Variants in KCNH8 observed in about 807,000 individuals in gnomAD.
KCNH8 encodes the protein potassium voltage-gated channel subfamily H member 8, also known as voltage-gated delayed rectifier potassium channel KCNH8.
In KCNH8, 70 loss-of-function variants were observed where a neutral mutation model predicts 103.6. The observed-to-expected ratio is 0.68, with a 90% CI of 0.56 to 0.82. KCNH8 has a LOEUF of 0.82. Among genes scored for constraint, KCNH8 ranks in the 40% least tolerant of loss-of-function variants. The probability of loss-of-function intolerance (pLI) is 0.00; values close to 1 mark genes in which losing one functional copy is unlikely to be tolerated. For missense variants in KCNH8, 1,217 were observed against 1,329.9 expected, an observed-to-expected ratio of 0.92 and a Z score of 1.32; for synonymous variants, 498 against 489.4, an observed-to-expected ratio of 1.02 and a Z score of -0.23.
At chr3:19,376,573 C>G (rs1440446343) in intron 5 of KCNH8, among the ~76,000 whole-genome samples, 2 of 152,196 alleles carry the variant, frequency 1.3e-5, no homozygotes, top group African/African-American at 4.8e-5. Flanking sequence ...GTCGCTCACG[C>G]TGGGAGCTGT....
intron 6 of KCNH8, among the ~76,000 whole-genome samples, chr3:19,392,318 C>CAAAAAAA (rs10662694): frequency 4.0e-5 from 5 of 125,398 alleles, no homozygotes; most frequent in East Asian, 2.4e-4. Flanking sequence ...ACATCTGTGT[C>CAAAAAAA]AAAAAAAAAA....
intron 11 of KCNH8, among the ~76,000 whole-genome samples, chr3:19,495,895 T>A (rs2068430341): frequency 6.6e-6 from 1 of 152,156 alleles, no homozygotes; most frequent in South Asian, 2.1e-4. Context: ...TTTATAATTC[T>A]CATTGTAGAG....
At chr3:19,203,266 C>T (rs79758077) in intron 1 of KCNH8, among the ~76,000 whole-genome samples, 3,570 of 151,952 alleles carry the variant, frequency 0.023, 135 homozygotes, top group African/African-American at 0.081. Context: ...CTTTGAGTTA[C>T]TCATATATTT....
At chr3:19,265,138 C>G (rs2064489960) in intron 2 of KCNH8, among the ~76,000 whole-genome samples, 5 of 152,028 alleles carry the variant, frequency 3.3e-5, no homozygotes, top group Admixed American at 1.3e-4. Flanking sequence ...AATCTCAGCT[C>G]TCTACATTCA....
intron 3 of KCNH8, among the ~76,000 whole-genome samples, chr3:19,311,595 G>A (rs2065209264): frequency 6.6e-6 from 1 of 151,766 alleles, no homozygotes; most frequent in Non-Finnish European, 1.5e-5. Context: ...ATATCTGAGA[G>A]GGAGGGATCC....
At chr3:19,459,322 C>T (rs952154591) in intron 11 of KCNH8, among the ~76,000 whole-genome samples, 4 of 151,692 alleles carry the variant, frequency 2.6e-5, no homozygotes, top group Admixed American at 6.6e-5. Context: ...TTGCATTTTC[C>T]TAATGATTAG....
intron 1 of KCNH8, among the ~76,000 whole-genome samples, chr3:19,192,345 C>T (rs1035995111): frequency 2.0e-5 from 3 of 151,456 alleles, no homozygotes; most frequent in African/African-American, 7.3e-5. Flanking sequence ...TAGTAATTAC[C>T]AACCTTAAAG....
chr3:19,291,129 T>C (rs1437881638), intron 3 of KCNH8, among the ~76,000 whole-genome samples: 1 of 152,184 alleles, frequency 6.6e-6, no homozygotes, highest in East Asian at 1.9e-4. Flanking sequence ...TTGATTCTTC[T>C]CTCTTTTCTT....
intron 1 of KCNH8, among the ~76,000 whole-genome samples, chr3:19,245,733 G>A (rs2064196029): frequency 6.6e-6 from 1 of 151,984 alleles, no homozygotes; most frequent in Non-Finnish European, 1.5e-5. Context: ...TTCTTGATTT[G>A]ACTGTCAGCC....
chr3:19,467,568 C>T (rs547353898), intron 11 of KCNH8, among the ~76,000 whole-genome samples: 1 of 152,238 alleles, frequency 6.6e-6, no homozygotes, highest in Admixed American at 6.5e-5. Flanking sequence ...CCTTCAGTAG[C>T]CCATGGGGGC....
At chr3:19,193,883 C>T (rs563733393) in intron 1 of KCNH8, among the ~76,000 whole-genome samples, 1 of 151,640 alleles carries the variant, frequency 6.6e-6, no homozygotes, top group Non-Finnish European at 1.5e-5. Context: ...ATAAAAGAGA[C>T]AGTAGGTGTG....
chr3:19,518,965 A>C (rs2068924876), intron 15 of KCNH8, among the ~76,000 whole-genome samples: 1 of 152,064 alleles, frequency 6.6e-6, no homozygotes, highest in African/African-American at 2.4e-5. Context: ...TAAAGAACAG[A>C]GAAGTAAGAC....
At chr3:19,419,366 A>T (rs2066916510) in intron 7 of KCNH8, among the ~76,000 whole-genome samples, 1 of 150,702 alleles carries the variant, frequency 6.6e-6, no homozygotes, top group African/African-American at 2.4e-5. Context: ...CGCCCGGCTA[A>T]TTTTTTTGTA....
At chr3:19,197,250 C>T (rs1182498891) in intron 1 of KCNH8, among the ~76,000 whole-genome samples, 1 of 152,014 alleles carries the variant, frequency 6.6e-6, no homozygotes, top group African/African-American at 2.4e-5. Context: ...GCCCTCTATA[C>T]CCTCCAATAT....
At chr3:19,160,490 C>T (rs1341552594) in intron 1 of KCNH8, among the ~76,000 whole-genome samples, 4 of 152,102 alleles carry the variant, frequency 2.6e-5, no homozygotes, top group Admixed American at 6.6e-5. Flanking sequence ...CAGTACCCTC[C>T]TCCCACTTCC....
intron 3 of KCNH8, among the ~76,000 whole-genome samples, chr3:19,283,581 G>C (rs1020319789): frequency 1.3e-5 from 2 of 151,664 alleles, no homozygotes; most frequent in Non-Finnish European, 2.9e-5. Flanking sequence ...TATTATAAAT[G>C]TCCCATAGAA....
intron 5 of KCNH8, among the ~76,000 whole-genome samples, chr3:19,376,748 T>C (rs896575248): frequency 6.6e-6 from 1 of 152,204 alleles, no homozygotes; most frequent in Non-Finnish European, 1.5e-5. Flanking sequence ...TTTATTTACA[T>C]TGGATAATCC....
rs569232311 is a variant in KCNH8 at position 19,518,966 on chromosome 3, GAAGT to G, written c.2619+896_2619+899del. On this transcript the variant is annotated intron_variant, in intron 15 of 15. Coordinates refer to ENST00000328405, the MANE Select transcript of KCNH8 (RefSeq NM_144633.3). Reference sequence around the variant, plus strand: ...ACAGGAAGTATAATTAAAGAACAGAGAAGTAAGACAGAAAAGGAAGGAAAGCAAA... The same window carrying G: ...ACAGGAAGTATAATTAAAGAACAGAGAAGACAGAAAAGGAAGGAAAGCAAA... Among the ~76,000 whole-genome samples, 8 of 152,134 alleles carry G rather than the reference GAAGT, an allele frequency of 5.3e-5. No homozygotes were observed. The South Asian group carries it at 1.5e-3, about 28-fold the overall frequency.
At position 19,514,433 on chromosome 3, in the gene KCNH8, G is replaced by A. The variant is rs183044082; in HGVS notation, c.2436-889G>A. On this transcript the variant is annotated intron_variant, in intron 13 of 15. Transcript: ENST00000328405. ...ACATAATAAATTATAAATAGGAAGA[G>A]ACTGTATTGGAGCTGAGAAAGGTTT... Among the ~76,000 whole-genome samples, 20 of 151,972 alleles carry A rather than the reference G, an allele frequency of 1.3e-4. No individual in the cohort carries two copies. In the East Asian group the frequency reaches 3.9e-3, roughly 29 times the overall value.
Sources: gnomAD v4.1 joint callset for allele counts (sites outside exome capture counted in the v4.1 genomes callset) on GRCh38, gnomAD v4.1.1 for gene constraint, MANE v1.5 for transcripts, NCBI Gene and HGNC (gene_info 2026-07-23, HGNC 2026-07-21) for gene names.